The following ZFPM2 variants were observed in gnomAD, a reference collection of about 807,000 sequenced individuals.
ZFPM2 encodes zinc finger protein, FOG family member 2.
Under a neutral mutation model 98.6 loss-of-function variants are expected in ZFPM2, and 20 were observed. The ratio of observed to expected loss-of-function variants is 0.20; its 90% CI spans 0.14 to 0.29. ZFPM2 has a LOEUF of 0.29. Ranked by LOEUF, ZFPM2 falls within the 10% of genes least tolerant of loss-of-function variation. The pLI, the probability that ZFPM2 is intolerant of heterozygous loss-of-function variation, is 1.00. For missense variants in ZFPM2, 1,310 were observed against 1,388.6 expected (o/e 0.94, Z 0.90); for synonymous variants, 518 against 502.7 (o/e 1.03, Z -0.41).
chr8:105,784,633 G>A (rs1813358355), intron 5 of ZFPM2, among the ~76,000 whole-genome samples: 1 of 145,556 alleles, frequency 6.9e-6, no homozygotes, highest in Admixed American at 6.6e-5. Context: ...ACATATATTA[G>A]CTCATTTAAT....
At chr8:105,561,563 C>T in intron 4 of ZFPM2, 82 bp downstream of exon 4, 1 of 1,107,698 alleles carries the variant, frequency 9.0e-7, no homozygotes, top group Non-Finnish European at 1.3e-6. Context: ...TCTCTGCTTG[C>T]TTTCCAATGA....
intron 3 of ZFPM2, among the ~76,000 whole-genome samples, chr8:105,553,419 A>C (rs1421767648): frequency 1.3e-5 from 2 of 152,334 alleles, no homozygotes; most frequent in Non-Finnish European, 2.9e-5. Context: ...ATAGCCAAAG[A>C]GAGCATTTTG....
intron 3 of ZFPM2, among the ~76,000 whole-genome samples, chr8:105,511,446 C>T (rs1021184437): frequency 7.9e-5 from 12 of 152,188 alleles, no homozygotes; most frequent in Non-Finnish European, 1.5e-4. Context: ...CATTTCTCAG[C>T]TCTTCACCTA....
chr8:105,707,868 T>C (rs1811299029), intron 5 of ZFPM2, among the ~76,000 whole-genome samples: 2 of 152,190 alleles, frequency 1.3e-5, no homozygotes, highest in South Asian at 2.1e-4. Flanking sequence ...CCTTACCTCA[T>C]GGACATTCAG....
chr8:105,726,622 G>A (rs755012134), intron 5 of ZFPM2, among the ~76,000 whole-genome samples: 18 of 151,842 alleles, frequency 1.2e-4, no homozygotes, highest in South Asian at 2.1e-4. Context: ...TAAGAACACC[G>A]AAGATGTAAT....
intron 5 of ZFPM2, among the ~76,000 whole-genome samples, chr8:105,696,093 T>C (rs7007198): frequency 0.13 from 20,066 of 152,166 alleles, 1,819 homozygotes; most frequent in East Asian, 0.5. Flanking sequence ...GCTGTGAACA[T>C]AACAGTAGGC....
chr8:105,470,812 C>T (rs1331546240), intron 3 of ZFPM2, among the ~76,000 whole-genome samples: 1 of 151,744 alleles, frequency 6.6e-6, no homozygotes, highest in Non-Finnish European at 1.5e-5. Context: ...TTTATTGTAT[C>T]TTTCATTGAT....
At chr8:105,679,750 G>A (rs1464723359) in intron 5 of ZFPM2, among the ~76,000 whole-genome samples, 1 of 147,596 alleles carries the variant, frequency 6.8e-6, no homozygotes, top group Non-Finnish European at 1.5e-5. Context: ...TGAGCTATAA[G>A]CATGCCAGTG....
rs11993088 is a variant in ZFPM2, at chr8:105,440,198, C to G, written c.200-4082C>G. On this transcript the variant is annotated intron_variant, in intron 2 of 7. Coordinates refer to ENST00000407775, the MANE Select transcript of ZFPM2 (RefSeq NM_012082.4). ...AAGCAATGAGATAGAAACTCAGAGT[C>G]TAAATAGAGATGGTAGCTAGCATTT... Among the ~76,000 whole-genome samples, 131 of 152,234 alleles carry G rather than the reference C, an allele frequency of 8.6e-4. 1 individual carries two copies. Among genetic ancestry groups the G allele is most frequent in the African/African-American group, 3.0e-3 (123 of 41,542 alleles).
intron 3 of ZFPM2, among the ~76,000 whole-genome samples, chr8:105,478,387 T>C (rs1193695919): frequency 2.6e-5 from 4 of 152,252 alleles, no homozygotes; most frequent in Admixed American, 2.6e-4. Flanking sequence ...TTTCTACTTA[T>C]CCAACTTTAT....
At chr8:105,420,171 T>C (rs1395744782) in intron 2 of ZFPM2, among the ~76,000 whole-genome samples, 1 of 152,196 alleles carries the variant, frequency 6.6e-6, no homozygotes, top group East Asian at 1.9e-4. Flanking sequence ...ATGCACCATT[T>C]TTATTCAGAC....
chr8:105,326,368 T>A (rs1365468106), intron 1 of ZFPM2, among the ~76,000 whole-genome samples: 6 of 151,734 alleles, frequency 4.0e-5, no homozygotes, highest in South Asian at 4.1e-4. Context: ...AAAGCTAGAT[T>A]TAGAAATGAT....
At chr8:105,541,441 TATC>T (rs991068280) in intron 3 of ZFPM2, among the ~76,000 whole-genome samples, 7 of 152,154 alleles carry the variant, frequency 4.6e-5, no homozygotes, top group Admixed American at 3.3e-4. Context: ...TTAAGTGAAA[TATC>T]ATGAATATCC....
intron 5 of ZFPM2, among the ~76,000 whole-genome samples, chr8:105,651,939 A>G (rs1390748984): frequency 1.3e-5 from 2 of 152,186 alleles, no homozygotes; most frequent in African/African-American, 4.8e-5. Flanking sequence ...AAAATACCAG[A>G]GAATCTAGAT....
chr8:105,740,279 A>AG (rs1477852151), intron 5 of ZFPM2, among the ~76,000 whole-genome samples: 3 of 151,960 alleles, frequency 2.0e-5, no homozygotes, highest in African/African-American at 7.2e-5. Flanking sequence ...AGAAGAAGAG[A>AG]GGAACAAAAA....
At chr8:105,719,944 T>C (rs966923750) in intron 5 of ZFPM2, among the ~76,000 whole-genome samples, 1 of 151,954 alleles carries the variant, frequency 6.6e-6, no homozygotes, top group African/African-American at 2.4e-5. Flanking sequence ...AATTATGTCA[T>C]TGGATAACTT....
chr8:105,721,466 C>A (rs1811662395), intron 5 of ZFPM2, among the ~76,000 whole-genome samples: 1 of 151,896 alleles, frequency 6.6e-6, no homozygotes, highest in Non-Finnish European at 1.5e-5. Context: ...CTTTTTCTCA[C>A]AGCTTTTCTA....
At chr8:105,709,537 TA>T (rs35072377) in intron 5 of ZFPM2, among the ~76,000 whole-genome samples, 2 of 151,994 alleles carry the variant, frequency 1.3e-5, no homozygotes, top group African/African-American at 4.8e-5. Flanking sequence ...ACCAGATTTT[TA>T]AAAAAATGTA....
intron 4 of ZFPM2, among the ~76,000 whole-genome samples, chr8:105,628,449 C>T (rs1025684914): frequency 6.6e-6 from 1 of 152,102 alleles, no homozygotes; most frequent in African/African-American, 2.4e-5. Context: ...GGCAAAAACC[C>T]CACCCTCAAG....
Sources: allele counts gnomAD v4.1 joint callset (sites outside exome capture counted in the v4.1 genomes callset), GRCh38; gene constraint gnomAD v4.1.1; transcripts MANE v1.5; gene names NCBI Gene and HGNC (gene_info 2026-07-23, HGNC 2026-07-21).